The following VPS26A variants were observed in gnomAD, a reference collection of about 807,000 sequenced individuals.
VPS26A encodes the protein VPS26 retromer complex component A, also known as vacuolar protein sorting-associated protein 26A.
Under a neutral mutation model 42.4 loss-of-function variants are expected in VPS26A, and 22 were observed. The observed-to-expected ratio is 0.52, with a 90% confidence interval of 0.37 to 0.74. The LOEUF is 0.74. Among genes scored for constraint, VPS26A ranks in the 30% least tolerant of loss-of-function variants. VPS26A has a pLI of 0.00. For synonymous variants in VPS26A, 110 were observed against 123.5 expected (o/e 0.89, Z 0.73); for missense variants, 276 against 379.2 (o/e 0.73, Z 2.26).
intron 2 of VPS26A, among the ~76,000 whole-genome samples, chr10:69,143,249 C>T (rs7071904): frequency 0.76 from 115,278 of 152,070 alleles, 45,769 homozygotes; most frequent in Non-Finnish European, 0.89. Context: ...TTAACTTTAC[C>T]GCTGTCTTGG....
At position 69,132,885 on chromosome 10, in the gene VPS26A, C is replaced by G. The variant is rs770094487; in HGVS notation, c.4-13C>G. The G allele has an allele frequency of 1.9e-6, 3 of 1,573,086 alleles. No homozygotes were observed. Among genetic ancestry groups the G allele is most frequent in the Non-Finnish European group, 8.6e-7 (1 of 1,168,132 alleles). The stretch of plus-strand genomic sequence containing the variant: ...TAAACATGATAATTATGACCATTTT[C>G]ATTTTATTTCAGAGTTTTCTTGGAG... On this transcript the variant is annotated splice_polypyrimidine_tract_variant and intron_variant, in intron 1 of 8. Coordinates refer to ENST00000263559, the MANE Select transcript of VPS26A (RefSeq NM_004896.5).
chr10:69,150,780 G>A (rs928256434), intron 2 of VPS26A, among the ~76,000 whole-genome samples: 5 of 152,064 alleles, frequency 3.3e-5, no homozygotes, highest in Admixed American at 1.3e-4. Context: ...CTTTGTTGTG[G>A]AAAAAAGTAT....
At chr10:69,144,360 CAT>C (rs1841109139) in intron 2 of VPS26A, among the ~76,000 whole-genome samples, 1 of 152,120 alleles carries the variant, frequency 6.6e-6, no homozygotes, top group South Asian at 2.1e-4. Flanking sequence ...ATTGTGATAT[CAT>C]ATAGAATAGT....
In VPS26A at chr10:69,164,454, C is replaced by T. The variant is rs1381903977; in HGVS notation, c.659-1588C>T. 7.9e-5 allele frequency among the ~76,000 whole-genome samples: 12 copies of T among 152,028 alleles called. 1 individual carries two copies. Among genetic ancestry groups the T allele is most frequent in the Admixed American group, 5.9e-4 (9 of 15,256 alleles). On this transcript the variant is annotated intron_variant, in intron 6 of 8. Transcript: ENST00000263559. ...GCTGGTTTCAAACTCCTGGACTCAG[C>T]GATCCTCCTGCCTCAGCATCCCAAA...
chr10:69,159,186 G>C (rs1841497655), intron 5 of VPS26A, among the ~76,000 whole-genome samples: 1 of 152,124 alleles, frequency 6.6e-6, no homozygotes, highest in East Asian at 1.9e-4. Flanking sequence ...TTTGAGACCA[G>C]CATGGTCAAC....
intron 2 of VPS26A, among the ~76,000 whole-genome samples, chr10:69,151,173 G>C (rs888415043): frequency 6.6e-6 from 1 of 150,898 alleles, no homozygotes; most frequent in African/African-American, 2.5e-5. Context: ...GCTGAGTCAG[G>C]AGAACGGTGT....
chr10:69,130,605 G>A (rs537721515), intron 1 of VPS26A, among the ~76,000 whole-genome samples: 2 of 152,298 alleles, frequency 1.3e-5, no homozygotes, highest in African/African-American at 4.8e-5. Context: ...ATAGCTTGAT[G>A]AATTTTCACC....
intron 2 of VPS26A, among the ~76,000 whole-genome samples, chr10:69,136,968 T>G (rs1244927971): frequency 1.3e-5 from 2 of 151,888 alleles, no homozygotes; most frequent in Non-Finnish European, 2.9e-5. Flanking sequence ...ATTTTTGTAT[T>G]TTTAGTAGAG....
chr10:69,162,390 T>C lies in VPS26A; in HGVS notation c.552-16T>C, dbSNP rs752968599. On this transcript the variant is annotated splice_polypyrimidine_tract_variant and intron_variant, in intron 5 of 8. Transcript: ENST00000263559. ...TTTTAAACTGATATTTAGTGAGATA[T>C]GTTCTTCCCCAATAGGTATCATTTA... The C allele has an allele frequency of 4.6e-6, 6 of 1,291,932 alleles. No homozygotes were observed. The African/African-American group carries it at 9.0e-5, about 19-fold the overall frequency. 80.0% of individuals were successfully genotyped at this position (1,291,932 alleles called of 1,614,324 possible).
At chr10:69,136,705 T>C (rs1331519842) in intron 2 of VPS26A, among the ~76,000 whole-genome samples, 1 of 152,208 alleles carries the variant, frequency 6.6e-6, no homozygotes, top group Admixed American at 6.5e-5. Flanking sequence ...AGAGACGTTA[T>C]CTATATCTTG....
chr10:69,161,071 T>G (rs943521810), intron 5 of VPS26A, among the ~76,000 whole-genome samples: 19 of 152,150 alleles, frequency 1.2e-4, no homozygotes, highest in African/African-American at 3.6e-4. Context: ...TTGTGTGTGT[T>G]TGTTTTGAGA....
intron 1 of VPS26A, among the ~76,000 whole-genome samples, chr10:69,124,658 G>T (rs1225217410): frequency 1.3e-5 from 2 of 152,194 alleles, no homozygotes; most frequent in Non-Finnish European, 2.9e-5. Context: ...TTCCATCCAG[G>T]TGGGGCGACC....
At chr10:69,154,540 C>CA (rs201970321) in intron 2 of VPS26A, among the ~76,000 whole-genome samples, 286 of 149,708 alleles carry the variant, frequency 1.9e-3, no homozygotes, top group African/African-American at 6.4e-3. Flanking sequence ...CCGTCTAAAA[C>CA]AAAAAAAAGG....
intron 1 of VPS26A, among the ~76,000 whole-genome samples, chr10:69,131,418 T>A (rs1840774639): frequency 6.6e-6 from 1 of 151,872 alleles, no homozygotes; most frequent in African/African-American, 2.4e-5. Flanking sequence ...TGAGACCCTG[T>A]CTCTACAAAA....
intron 8 of VPS26A, chr10:69,169,972 T>C (rs1841781835): frequency 6.6e-6 from 1 of 152,218 alleles, no homozygotes; most frequent in African/African-American, 2.4e-5. Flanking sequence ...GAAAATCAAT[T>C]AAAAGCTTTT....
chr10:69,124,370 G>A (rs1305513955), intron 1 of VPS26A, 90 bp downstream of exon 1: 10 of 1,201,938 alleles, frequency 8.3e-6, no homozygotes, highest in South Asian at 8.4e-5. Context: ...CGTCGCCGGA[G>A]GAGGGGACGG....
At chr10:69,133,149 G>T in intron 2 of VPS26A, 102 bp downstream of exon 2, 1 of 1,244,682 alleles carries the variant, frequency 8.0e-7, no homozygotes, top group Admixed American at 3.1e-5. Context: ...TTATGAGGGA[G>T]AGAGATTTTT....
chr10:69,144,539 C>G (rs1841113778), intron 2 of VPS26A, among the ~76,000 whole-genome samples: 1 of 152,082 alleles, frequency 6.6e-6, no homozygotes, highest in Admixed American at 6.6e-5. Context: ...AGAATGTAGC[C>G]TTTTTAGATT....
rs1250967855 is a variant in VPS26A, at chr10:69,155,818, C to G, written c.160C>G (p.Leu54Val). Reference protein sequence around the residue: ...DGESVSGKVNLAFKQPGKRLE... With the variant: ...DGESVSGKVNVAFKQPGKRLE... ...TAATTTCATGTTTTGGCAGGTAAAC[C>G]TAGCCTTTAAGCAACCTGGAAAGAG... Residue 54 changes from leucine to valine, a missense_variant, in exon 3 of 9, where the codon CTA becomes GTA. Transcript: ENST00000263559. The G allele has an allele frequency of 1.9e-6, 3 of 1,611,602 alleles. No homozygotes were observed. The highest frequency in any genetic ancestry group is 3.3e-4 in the Middle Eastern group (2 of 6,050).
Sources: allele counts gnomAD v4.1 joint callset (sites outside exome capture counted in the v4.1 genomes callset), GRCh38; gene constraint gnomAD v4.1.1; transcripts MANE v1.5; gene names NCBI Gene and HGNC (gene_info 2026-07-23, HGNC 2026-07-21).